DLGAP4: variants seen among roughly 807,000 people sequenced by gnomAD.
DLGAP4 encodes the protein DLG associated protein 4, also known as disks large-associated protein 4.
Under a neutral mutation model 86.9 loss-of-function variants are expected in DLGAP4, and 18 were observed. That is an observed-to-expected ratio of 0.21 (90% CI 0.14 to 0.31). DLGAP4 has a LOEUF of 0.31. Among genes scored for constraint, DLGAP4 ranks in the 10% least tolerant of loss-of-function variants. The pLI is 1.00. For missense variants in DLGAP4, 1,085 were observed against 1,362.6 expected, an observed-to-expected ratio of 0.80 and a Z score of 3.21; for synonymous variants, 548 against 574.3, an observed-to-expected ratio of 0.95 and a Z score of 0.65.
chr20:36,343,617 G>A (rs191993557), intron 1 of DLGAP4, among the ~76,000 whole-genome samples: 1 of 151,242 alleles, frequency 6.6e-6, no homozygotes, highest in Non-Finnish European at 1.5e-5. Context: ...AGGCTACCAG[G>A]TACCCCCCCC....
Position 36,431,908 on chromosome 20 carries a change from T to G in DLGAP4, c.191T>G (p.Leu64Arg). 6.2e-7 allele frequency: 1 copy of G among 1,614,084 alleles called. No homozygotes were observed. The highest frequency in any genetic ancestry group is 8.5e-7 in the Non-Finnish European group (1 of 1,180,002). The part of the protein sequence containing the change: ...GDGLFPLNNQ[L>R]PPPSSTFPRI... ...GGCCTCTTTCCCCTCAACAACCAGC[T>G]GCCCCCGCCCAGCAGCACCTTTCCC... The change falls in exon 3 of 13, where the codon CTG becomes CGG. Residue 64 changes from leucine to arginine, a missense_variant. Physicochemically the swap from Leu to Arg is moderately radical, Grantham distance 102. Around this residue, in one of 2 missense-constraint regions of DLGAP4, gnomAD observed 1,082 missense variants for 1,344.1 expected, o/e 0.81. Coordinates refer to ENST00000339266, the MANE Select transcript of DLGAP4 (RefSeq NM_001365621.2). The surrounding 1 kb of genome is among the most constrained non-coding windows in gnomAD (Gnocchi z 5.1).
At chr20:36,320,094 T>C (rs1243024059) in intron 1 of DLGAP4, among the ~76,000 whole-genome samples, 1 of 103,846 alleles carries the variant, frequency 9.6e-6, no homozygotes, top group Non-Finnish European at 1.9e-5. Context: ...CCTCCAGGCC[T>C]CCCTCTGTGT....
intron 7 of DLGAP4, among the ~76,000 whole-genome samples, chr20:36,458,554 C>T (rs928186049): frequency 3.3e-5 from 5 of 151,430 alleles, no homozygotes; most frequent in Non-Finnish European, 7.4e-5. Context: ...AAATACAAAG[C>T]CAGGTGTGAT....
At chr20:36,332,808 C>A (rs1469100106) in intron 1 of DLGAP4, among the ~76,000 whole-genome samples, 2 of 152,038 alleles carry the variant, frequency 1.3e-5, no homozygotes, top group African/African-American at 2.4e-5. Flanking sequence ...CCCTCCCATC[C>A]CAGCCCCCCA....
chr20:36,343,351 G>C (rs910889869), intron 1 of DLGAP4, among the ~76,000 whole-genome samples: 1 of 152,142 alleles, frequency 6.6e-6, no homozygotes, highest in Admixed American at 6.5e-5. Flanking sequence ...CATCTCCTCT[G>C]GGTAGTGACC....
At chr20:36,337,983 G>A (rs1006540251) in intron 1 of DLGAP4, among the ~76,000 whole-genome samples, 1 of 152,232 alleles carries the variant, frequency 6.6e-6, no homozygotes, top group Non-Finnish European at 1.5e-5. Flanking sequence ...GAGGGGAGGG[G>A]AGGGAGGAGT....
chr20:36,444,347 G>C (rs1030321905), intron 6 of DLGAP4, among the ~76,000 whole-genome samples: 4 of 152,054 alleles, frequency 2.6e-5, no homozygotes, highest in Non-Finnish European at 5.9e-5. Context: ...GCAGTGGTGC[G>C]ATCATGGCTC....
chr20:36,345,394 G>A (rs1351029513), intron 1 of DLGAP4, among the ~76,000 whole-genome samples: 1 of 152,164 alleles, frequency 6.6e-6, no homozygotes, highest in Non-Finnish European at 1.5e-5. Flanking sequence ...CATATCCCAG[G>A]GTCTGGTACA....
In DLGAP4 at chr20:36,308,731, A is replaced by G. The variant is rs2147327092; in HGVS notation, c.-304+2219A>G. 6.6e-6 allele frequency among the ~76,000 whole-genome samples: 1 copy of G among 152,248 alleles called. No individual in the cohort carries two copies. The highest frequency in any genetic ancestry group is 1.5e-5 in the Non-Finnish European group (1 of 68,014). On this transcript the variant is annotated intron_variant, in intron 1 of 12. Coordinates refer to ENST00000339266, the MANE Select transcript of DLGAP4 (RefSeq NM_001365621.2). The surrounding 1 kb of genome is among the most constrained non-coding windows in gnomAD (Gnocchi z 4.5). ...AACTGTATCCCGGGCACCGTATGTG[A>G]CAGAAGCAGGTGGTCCCTACCCTCC...
chr20:36,413,080 A>G (rs148826891), intron 2 of DLGAP4, among the ~76,000 whole-genome samples: 1,643 of 149,672 alleles, frequency 0.011, 26 homozygotes, highest in African/African-American at 0.037. Flanking sequence ...CCTGGGTTTA[A>G]GCGATTCTTG....
chr20:36,380,455 G>A (rs1447172732), intron 2 of DLGAP4, among the ~76,000 whole-genome samples: 5 of 152,156 alleles, frequency 3.3e-5, no homozygotes, highest in Non-Finnish European at 5.9e-5. Flanking sequence ...AGGCATGGTG[G>A]CACATTCCTG....
chr20:36,333,081 G>A (rs1445352089), intron 1 of DLGAP4, among the ~76,000 whole-genome samples: 11 of 151,818 alleles, frequency 7.2e-5, no homozygotes, highest in African/African-American at 1.5e-4. Flanking sequence ...TGCTACCTCC[G>A]GCTCTTAACG....
intron 7 of DLGAP4, among the ~76,000 whole-genome samples, chr20:36,455,896 C>T (rs1230709280): frequency 6.6e-6 from 1 of 152,148 alleles, no homozygotes; most frequent in Admixed American, 6.5e-5. Context: ...TCCCCTCACT[C>T]CACCGCAGGC....
chr20:36,436,813 C>G (rs1317127052), intron 4 of DLGAP4, among the ~76,000 whole-genome samples: 3 of 146,704 alleles, frequency 2.0e-5, no homozygotes, highest in African/African-American at 7.5e-5. Context: ...GAGACTCCGT[C>G]TCAAAAAAAA....
intron 1 of DLGAP4, among the ~76,000 whole-genome samples, chr20:36,318,122 AC>A (rs2065128648): frequency 3.5e-5 from 5 of 142,308 alleles, no homozygotes; most frequent in Admixed American, 3.5e-4. Flanking sequence ...ACACACACAC[AC>A]ACACACACAC....
chr20:36,413,743 G>C (rs1005513812), intron 2 of DLGAP4, among the ~76,000 whole-genome samples: 9 of 152,088 alleles, frequency 5.9e-5, no homozygotes, highest in Non-Finnish European at 1.3e-4. Flanking sequence ...CATATAAAGG[G>C]AGTCCTACCT....
chr20:36,324,252 C>G lies in DLGAP4; in HGVS notation c.-304+17740C>G, dbSNP rs561974178. ...AACCAGCCTGGCCAACATGGTAAAACCTCACCTCTACTAAAAATACAAAAA... is the reference window on the plus strand; with the variant it reads ...AACCAGCCTGGCCAACATGGTAAAAGCTCACCTCTACTAAAAATACAAAAA... On this transcript the variant is annotated intron_variant, in intron 1 of 12. Coordinates refer to ENST00000339266, the MANE Select transcript of DLGAP4 (RefSeq NM_001365621.2). Among the ~76,000 whole-genome samples the G allele has an allele frequency of 1.1e-4, 17 of 152,164 alleles. No homozygotes were observed. In the East Asian group the frequency reaches 2.9e-3, roughly 26 times the overall value.
At chr20:36,433,143 G>A (rs1318411338) in intron 3 of DLGAP4, among the ~76,000 whole-genome samples, 1 of 152,190 alleles carries the variant, frequency 6.6e-6, no homozygotes, top group Non-Finnish European at 1.5e-5. Context: ...TGGCATGCAG[G>A]AAGTGCTCAG....
At chr20:36,471,668 A>G (rs752134887) in intron 7 of DLGAP4, among the ~76,000 whole-genome samples, 3 of 152,168 alleles carry the variant, frequency 2.0e-5, no homozygotes, top group Non-Finnish European at 4.4e-5. Flanking sequence ...GTAGGAAGAC[A>G]TCGTGAAATG....
Sources: gnomAD v4.1 joint callset for allele counts (sites outside exome capture counted in the v4.1 genomes callset) on GRCh38, gnomAD v4.1.1 for gene constraint, gnomAD v4.1.1 regional missense constraint, Gnocchi (gnomAD v3.1) non-coding constraint, MANE v1.5 for transcripts, NCBI Gene and HGNC (gene_info 2026-07-23, HGNC 2026-07-21) for gene names.